KCNA6: variants seen among roughly 807,000 people sequenced by gnomAD.
KCNA6 encodes human brain potassium channel-2.
A neutral mutation model predicts 29.5 loss-of-function variants in KCNA6; 17 were observed. The ratio of observed to expected loss-of-function variants is 0.58; its 90% confidence interval spans 0.39 to 0.86. The LOEUF (loss-of-function observed/expected upper bound fraction) is 0.86. Ranked by LOEUF, KCNA6 falls within the 40% of genes least tolerant of loss-of-function variation. KCNA6 has a pLI of 0.00. For missense variants in KCNA6, 450 were observed against 703.4 expected, an observed-to-expected ratio of 0.64 and a Z score of 4.07; for synonymous variants, 296 against 304.7, an observed-to-expected ratio of 0.97 and a Z score of 0.30.
At chr12:4,821,418 ATGTGTGTGTGTGTGTG>A in the KCNA6 span, among the ~76,000 whole-genome samples, 1,450 of 143,520 alleles carry the variant, frequency 0.01, 18 homozygotes, top group African/African-American at 0.032. Context: ...ACTCACTTGG[ATGTGTGTGTGTGTGTG>A]TGTGTGTGTG....
the KCNA6 span, among the ~76,000 whole-genome samples, chr12:4,850,189 G>A: frequency 2.1e-4 from 32 of 152,308 alleles, 1 homozygote; most frequent in Middle Eastern, 0.01. This position sits in a 1 kb window ranked among gnomAD's most constrained non-coding sequence, Gnocchi z 5.4. Flanking sequence ...AAGGAGACTC[G>A]AGAACATTCC....
the KCNA6 span, among the ~76,000 whole-genome samples, chr12:4,842,012 C>CGTGTGTGTGTGTGT: frequency 5.2e-4 from 65 of 124,980 alleles, 3 homozygotes; most frequent in African/African-American, 1.9e-3. Flanking sequence ...ATGGAGCTTA[C>CGTGTGTGTGTGTGT]GTGTGTGTGT....
At chr12:4,830,553 A>G in the KCNA6 span, among the ~76,000 whole-genome samples, 1 of 152,216 alleles carries the variant, frequency 6.6e-6, no homozygotes, top group African/African-American at 2.4e-5. Context: ...AGAACCCGGT[A>G]ACGGCATCTG....
At chr12:4,820,438 C>T in the KCNA6 span, among the ~76,000 whole-genome samples, 18 of 151,690 alleles carry the variant, frequency 1.2e-4, no homozygotes, top group Admixed American at 3.3e-4. Context: ...AATAATTTGC[C>T]GAAGATCACA....
chr12:4,825,311 C>G, the KCNA6 span, among the ~76,000 whole-genome samples: 8 of 152,326 alleles, frequency 5.3e-5, no homozygotes, highest in African/African-American at 1.9e-4. Flanking sequence ...AATGCTGCCT[C>G]TTGGAGATGC....
rs769889358 is a variant in KCNA6 at position 4,810,743 on chromosome 12, T to C, written c.702T>C (p.Phe234=). The C allele has an allele frequency of 6.2e-7, 1 of 1,609,606 alleles. No homozygotes were observed. The highest frequency in any genetic ancestry group is 1.1e-5 in the South Asian group (1 of 90,006). Residue 234 remains phenylalanine (F), a synonymous_variant, in exon 1 of 1, where the codon TTT becomes TTC. Coordinates refer to ENST00000280684, the Ensembl canonical transcript of KCNA6. This position sits in a 1 kb window ranked among gnomAD's most constrained non-coding sequence, Gnocchi z 7.5. ...AGGATGAAGACGATTCCTACACATTTCATCATGGCATCACCCCTGGGGAAA... is the reference window on the plus strand; with the variant it reads ...AGGATGAAGACGATTCCTACACATTCCATCATGGCATCACCCCTGGGGAAA...
chr12:4,820,852 T>G, the KCNA6 span, among the ~76,000 whole-genome samples: 5 of 152,204 alleles, frequency 3.3e-5, no homozygotes, highest in Non-Finnish European at 7.3e-5. Flanking sequence ...GGCTCTGGGC[T>G]TCTAATCTCA....
At chr12:4,846,630 C>T in the KCNA6 span, among the ~76,000 whole-genome samples, 1 of 152,138 alleles carries the variant, frequency 6.6e-6, no homozygotes, top group Non-Finnish European at 1.5e-5. Context: ...AAACTTCCCA[C>T]CAGAAATGTC....
chr12:4,827,258 T>G, the KCNA6 span, among the ~76,000 whole-genome samples: 1 of 145,904 alleles, frequency 6.9e-6, no homozygotes, highest in African/African-American at 2.5e-5. Flanking sequence ...CTTCCTTCCT[T>G]TCTCTCGCCC....
chr12:4,827,760 C>G, the KCNA6 span, among the ~76,000 whole-genome samples: 1 of 152,200 alleles, frequency 6.6e-6, no homozygotes, highest in Non-Finnish European at 1.5e-5. Context: ...CGAGCTGGGG[C>G]TTAGCCCTGC....
the KCNA6 span, among the ~76,000 whole-genome samples, chr12:4,841,326 A>G: frequency 6.6e-6 from 1 of 152,218 alleles, no homozygotes; most frequent in African/African-American, 2.4e-5. Flanking sequence ...TATAAAATAA[A>G]TAATAAAGAT....
the KCNA6 span, among the ~76,000 whole-genome samples, chr12:4,827,206 C>CTCCTTCCTTCCTTCT: frequency 1.7e-3 from 192 of 113,916 alleles, no homozygotes; most frequent in Middle Eastern, 4.7e-3. Flanking sequence ...CCTTCCTTCC[C>CTCCTTCCTTCCTTCT]TCCTTCCTTC....
At chr12:4,848,729 T>A in the KCNA6 span, among the ~76,000 whole-genome samples, 1 of 152,006 alleles carries the variant, frequency 6.6e-6, no homozygotes, top group Non-Finnish European at 1.5e-5. Context: ...AGACGGGGTT[T>A]CTCCATGTTG....
chr12:4,828,922 C>T, the KCNA6 span, among the ~76,000 whole-genome samples: 22 of 152,318 alleles, frequency 1.4e-4, no homozygotes, highest in African/African-American at 4.1e-4. Context: ...AATGCAGTTG[C>T]CTGATAAGAG....
chr12:4,820,589 ACAC>A, the KCNA6 span, among the ~76,000 whole-genome samples: 3 of 145,168 alleles, frequency 2.1e-5, no homozygotes, highest in Non-Finnish European at 3.1e-5. Context: ...ACACACACAC[ACAC>A]TCTTAAAAAT....
At chr12:4,849,193 T>C in the KCNA6 span, among the ~76,000 whole-genome samples, 1 of 151,918 alleles carries the variant, frequency 6.6e-6, no homozygotes, top group Non-Finnish European at 1.5e-5. Flanking sequence ...ATGCTGTAGG[T>C]GGCGCCATAG....
chr12:4,821,716 T>G, the KCNA6 span, among the ~76,000 whole-genome samples: 8,869 of 152,274 alleles, frequency 0.058, 280 homozygotes, highest in African/African-American at 0.09. Context: ...ATCCTGCATG[T>G]TTGCTTTCCA....
At chr12:4,847,993 G>GTC in the KCNA6 span, among the ~76,000 whole-genome samples, 2 of 152,284 alleles carry the variant, frequency 1.3e-5, no homozygotes, top group Non-Finnish European at 2.9e-5. Context: ...GTGGCCAACT[G>GTC]TCTCACCATT....
rs1946635729 is a variant in KCNA6 at position 4,811,884 on chromosome 12, A to G, written c.*253A>G. ...CACCCAATCATGCCCAGCTTCTGTC[A>G]TATGAATGAGATATACATTTATGTC... On this transcript the variant is annotated 3_prime_UTR_variant, in exon 1 of 1. Transcript: ENST00000280684. This position sits in a 1 kb window ranked among gnomAD's most constrained non-coding sequence, Gnocchi z 7.1. 6 of 517,294 alleles carry G rather than the reference A, an allele frequency of 1.2e-5. No homozygotes were observed. Among genetic ancestry groups the G allele is most frequent in the Non-Finnish European group, 2.1e-5 (6 of 283,112 alleles). The allele number at this position is 517,294 out of a possible 1,614,324, so 32.0% of individuals were successfully genotyped here. A position where few individuals can be genotyped will look rare whatever the true frequency, so the allele number is the denominator to read the frequency against.
Sources: allele counts gnomAD v4.1 joint callset (sites outside exome capture counted in the v4.1 genomes callset), GRCh38; gene constraint gnomAD v4.1.1; non-coding constraint Gnocchi (gnomAD v3.1); transcripts MANE v1.5; gene names NCBI Gene and HGNC (gene_info 2026-07-23, HGNC 2026-07-21).